Variants in ADAMTS3 observed in about 807,000 individuals in gnomAD.
ADAMTS3 encodes the protein A disintegrin and metalloproteinase with thrombospondin motifs 3.
Under a neutral mutation model 129.0 loss-of-function variants are expected in ADAMTS3, and 73 were observed. The ratio of observed to expected loss-of-function variants is 0.57; its 90% CI spans 0.47 to 0.69. The LOEUF (loss-of-function observed/expected upper bound fraction) is 0.69, where lower values mean the gene tolerates loss of function less well. ADAMTS3 is among the 30% of genes least tolerant of loss of function. ADAMTS3 has a pLI of 0.00. For synonymous variants in ADAMTS3, 477 were observed against 510.8 expected, an observed-to-expected ratio of 0.93 and a Z score of 0.89; for missense variants, 1,457 against 1,514.5, an observed-to-expected ratio of 0.96 and a Z score of 0.63.
At chr4:72,487,351 C>T (rs1719617339) in intron 3 of ADAMTS3, among the ~76,000 whole-genome samples, 1 of 152,008 alleles carries the variant, frequency 6.6e-6, no homozygotes, top group African/African-American at 2.4e-5. Context: ...AAATTTGCAG[C>T]AAGTATTCTG....
At chr4:72,522,932 T>A (rs1204084482) in intron 3 of ADAMTS3, among the ~76,000 whole-genome samples, 1 of 152,106 alleles carries the variant, frequency 6.6e-6, no homozygotes, top group Non-Finnish European at 1.5e-5. Context: ...CAGTATTGTT[T>A]TCAGTCATAA....
At chr4:72,303,809 G>T in intron 17 of ADAMTS3, 108 bp downstream of exon 17, 1 of 1,168,716 alleles carries the variant, frequency 8.6e-7, no homozygotes, top group Non-Finnish European at 1.2e-6. Context: ...AGCAACTCAT[G>T]TTTCAAAGTT....
chr4:72,517,951 C>A (rs940603663), intron 3 of ADAMTS3, among the ~76,000 whole-genome samples: 7 of 150,670 alleles, frequency 4.6e-5, no homozygotes, highest in African/African-American at 1.2e-4. Context: ...TTGGATCTTT[C>A]CTGCTTTCTC....
intron 4 of ADAMTS3, among the ~76,000 whole-genome samples, chr4:72,376,883 A>G (rs11724147): frequency 0.65 from 99,305 of 152,084 alleles, 34,962 homozygotes; most frequent in Non-Finnish European, 0.79. Flanking sequence ...TTTCTGAATA[A>G]AAAGACACTG....
At chr4:72,384,753 T>C (rs1036340579) in intron 4 of ADAMTS3, among the ~76,000 whole-genome samples, 1 of 152,144 alleles carries the variant, frequency 6.6e-6, no homozygotes, top group South Asian at 2.1e-4. Flanking sequence ...AAGACCAATA[T>C]GTGGGTAAAT....
chr4:72,548,479 A>G lies in ADAMTS3; in HGVS notation c.503T>C (p.Leu168Pro), dbSNP rs1177851177. The G allele has an allele frequency of 1.2e-6, 2 of 1,613,108 alleles. No individual in the cohort carries two copies. Among genetic ancestry groups the G allele is most frequent in the Non-Finnish European group, 1.7e-6 (2 of 1,179,400 alleles). ...CGCACAAAACAGAAGGAGTCTTACC[A>G]GACCATCACAGTTGCTGATGGCAAC... is the stretch of plus-strand genomic sequence containing the variant. ...TSVAISNCDG[L>P]AGMIKSDNEE... Residue 168 changes from leucine to proline, a missense_variant and splice_region_variant, in exon 3 of 22, where the codon CTG (leucine) becomes CCG (proline). Coordinates refer to ENST00000286657, the MANE Select transcript of ADAMTS3 (RefSeq NM_014243.3).
At chr4:72,535,640 AC>A (rs1254389418) in intron 3 of ADAMTS3, among the ~76,000 whole-genome samples, 2 of 152,098 alleles carry the variant, frequency 1.3e-5, no homozygotes, top group African/African-American at 4.8e-5. Context: ...GGAGCTAGAC[AC>A]CCCTATGCCA....
intron 3 of ADAMTS3, among the ~76,000 whole-genome samples, chr4:72,427,834 T>A (rs565209657): frequency 6.6e-6 from 1 of 152,068 alleles, no homozygotes; most frequent in Non-Finnish European, 1.5e-5. Context: ...TCTCCTAGTA[T>A]GTTACATGCC....
chr4:72,339,401 A>G lies in ADAMTS3; in HGVS notation c.861+93T>C, dbSNP rs910777135. The G allele has an allele frequency of 4.1e-6, 5 of 1,224,480 alleles. No individual in the cohort carries two copies. The African/African-American group carries it at 7.5e-5, about 18-fold the overall frequency. 75.9% of individuals were successfully genotyped at this position (1,224,480 alleles called of 1,614,324 possible). A position where few individuals can be genotyped will look rare whatever the true frequency, so the allele number is the denominator to read the frequency against. ...ATCATGCACATATTTTGGCACAGTC[A>G]TGGAAGTTCTCACACAGATTGCCAA... On this transcript the variant is annotated intron_variant, in intron 5 of 21. Coordinates refer to ENST00000286657, the MANE Select transcript of ADAMTS3 (RefSeq NM_014243.3).
chr4:72,433,484 C>T (rs1418655271), intron 3 of ADAMTS3, among the ~76,000 whole-genome samples: 2 of 151,794 alleles, frequency 1.3e-5, no homozygotes, highest in Non-Finnish European at 2.9e-5. Context: ...GACATTAAAG[C>T]GTTCGTTACT....
intron 3 of ADAMTS3, among the ~76,000 whole-genome samples, chr4:72,486,808 T>C (rs1719602556): frequency 2.0e-5 from 3 of 152,170 alleles, no homozygotes; most frequent in Admixed American, 2.0e-4. Context: ...GACAGAATAC[T>C]GCACCTTCAT....
At chr4:72,487,283 A>G (rs1266896016) in intron 3 of ADAMTS3, among the ~76,000 whole-genome samples, 1 of 152,158 alleles carries the variant, frequency 6.6e-6, no homozygotes, top group Non-Finnish European at 1.5e-5. Context: ...TAGGAGAAAA[A>G]GCTAACATGG....
chr4:72,408,078 C>T (rs570144731), intron 4 of ADAMTS3, among the ~76,000 whole-genome samples: 2 of 152,206 alleles, frequency 1.3e-5, no homozygotes, highest in East Asian at 3.9e-4. Flanking sequence ...AAGTATTCAG[C>T]TCCTGTTACA....
chr4:72,419,574 A>C (rs1247752289), intron 3 of ADAMTS3, among the ~76,000 whole-genome samples: 2 of 152,182 alleles, frequency 1.3e-5, no homozygotes, highest in Non-Finnish European at 2.9e-5. Context: ...ATGCAGCCCA[A>C]CACAAATTCG....
intron 4 of ADAMTS3, among the ~76,000 whole-genome samples, chr4:72,371,558 A>G (rs1578623066): frequency 2.0e-5 from 3 of 151,944 alleles, no homozygotes; most frequent in South Asian, 4.1e-4. Context: ...ATATATATTT[A>G]TAAGATTAAA....
chr4:72,472,816 T>A (rs1382935062), intron 3 of ADAMTS3, among the ~76,000 whole-genome samples: 1 of 152,182 alleles, frequency 6.6e-6, no homozygotes, highest in Non-Finnish European at 1.5e-5. Flanking sequence ...AATTGTAGAA[T>A]GGCTTAAGCA....
rs998411828 is a variant in ADAMTS3 at position 72,291,125 on chromosome 4, C to T, written c.2724-63G>A. 4 of 1,554,780 alleles carry T rather than the reference C, an allele frequency of 2.6e-6. No individual in the cohort carries two copies. The African/African-American group carries it at 4.1e-5, about 16-fold the overall frequency. On this transcript the variant is annotated intron_variant, in intron 19 of 21. Coordinates refer to ENST00000286657, the MANE Select transcript of ADAMTS3 (RefSeq NM_014243.3). ...GTATGTATAGTGTACACATTTCTACCTGCAAAGCCTAGACTTTTCTGCTCT... is the reference window on the plus strand; with the variant it reads ...GTATGTATAGTGTACACATTTCTACTTGCAAAGCCTAGACTTTTCTGCTCT...
At chr4:72,506,179 C>T (rs1378881770) in intron 3 of ADAMTS3, among the ~76,000 whole-genome samples, 1 of 152,106 alleles carries the variant, frequency 6.6e-6, no homozygotes, top group Non-Finnish European at 1.5e-5. Context: ...ACGATCTATG[C>T]ACAGGAAAAG....
At chr4:72,422,000 G>A (rs1722458780) in intron 3 of ADAMTS3, among the ~76,000 whole-genome samples, 1 of 152,158 alleles carries the variant, frequency 6.6e-6, no homozygotes, top group Non-Finnish European at 1.5e-5. Flanking sequence ...CAAAGACCAT[G>A]CACTGTCATA....
Sources: gnomAD v4.1 joint callset for allele counts (sites outside exome capture counted in the v4.1 genomes callset) on GRCh38, gnomAD v4.1.1 for gene constraint, MANE v1.5 for transcripts, NCBI Gene and HGNC (gene_info 2026-07-23, HGNC 2026-07-21) for gene names.